NPAS2: variants seen among roughly 807,000 people sequenced by gnomAD.
NPAS2 encodes the protein neuronal PAS domain-containing protein 2.
Under a neutral mutation model 107.5 loss-of-function variants are expected in NPAS2, and 23 were observed. The observed-to-expected ratio is 0.21, with a 90% CI of 0.15 to 0.30. The LOEUF is 0.30. Ranked by LOEUF, NPAS2 falls within the 10% of genes least tolerant of loss-of-function variation. The pLI is 1.00. For synonymous variants in NPAS2, 403 were observed against 417.5 expected (o/e 0.97, Z 0.42); for missense variants, 756 against 1,043.3 (o/e 0.72, Z 3.79).
Position 100,922,613 on chromosome 2 carries a change from G to T in NPAS2, c.33-2533G>T, listed in dbSNP as rs570692006. Among the ~76,000 whole-genome samples the T allele has an allele frequency of 2.2e-4, 33 of 152,208 alleles. No individual in the cohort carries two copies. In the East Asian group the frequency reaches 4.6e-3, roughly 21 times the overall value. ...ACAAAAACCCAAAGCCTGGTTGTTG[G>T]GGTTGTTGGAGTGTCTTTCAAAACC... On this transcript the variant is annotated intron_variant, in intron 2 of 20. Transcript: ENST00000335681.
intron 1 of NPAS2, among the ~76,000 whole-genome samples, chr2:100,891,963 T>A (rs1261094297): frequency 6.6e-6 from 1 of 152,176 alleles, no homozygotes; most frequent in South Asian, 2.1e-4. Context: ...CAACAAAGGC[T>A]TTCACTGACT....
intron 2 of NPAS2, among the ~76,000 whole-genome samples, chr2:100,905,590 C>T (rs544127845): frequency 6.6e-6 from 1 of 152,202 alleles, no homozygotes; most frequent in Admixed American, 6.5e-5. Flanking sequence ...GGTGGAGGCC[C>T]AGCCACGAGC....
At chr2:100,824,178 A>G (rs1228772220) in intron 1 of NPAS2, among the ~76,000 whole-genome samples, 1 of 152,164 alleles carries the variant, frequency 6.6e-6, no homozygotes, top group African/African-American at 2.4e-5. Flanking sequence ...CATGTAGTTC[A>G]CCAATTAGAG....
intron 5 of NPAS2, among the ~76,000 whole-genome samples, chr2:100,947,317 G>A (rs1160265875): frequency 1.3e-5 from 2 of 152,114 alleles, no homozygotes; most frequent in African/African-American, 2.4e-5. Context: ...TTGGGAGGCC[G>A]GGGTGGGCGG....
In NPAS2 at chr2:100,927,309, G is replaced by A. The variant is rs779186668; in HGVS notation, c.181+2015G>A. On this transcript the variant is annotated intron_variant, in intron 3 of 20. Transcript: ENST00000335681. ...TTTTGTGTTCGTTTTTGTAGATGTC[G>A]TAAGGTGGGCTATGAAAATTCATCC... Among the ~76,000 whole-genome samples the A allele has an allele frequency of 3.3e-5, 5 of 152,138 alleles. No homozygotes were observed. In the East Asian group the frequency reaches 5.8e-4, roughly 18 times the overall value.
At chr2:100,845,044 G>A (rs893945641) in intron 1 of NPAS2, among the ~76,000 whole-genome samples, 1 of 152,208 alleles carries the variant, frequency 6.6e-6, no homozygotes. Flanking sequence ...ACAGTGGAAA[G>A]AAGGGAAGGC....
At chr2:100,925,112 A>C (rs767725415) in intron 2 of NPAS2, 34 bp from the exon 3 acceptor site, 2 of 1,582,838 alleles carry the variant, frequency 1.3e-6, no homozygotes, top group Non-Finnish European at 1.7e-6. Flanking sequence ...GTGACGTGGA[A>C]TGTTCCAGTA....
At chr2:100,954,869 T>G (rs865948940) in intron 7 of NPAS2, among the ~76,000 whole-genome samples, 7 of 127,992 alleles carry the variant, frequency 5.5e-5, no homozygotes, top group Admixed American at 3.2e-4. Context: ...GTTTTTTTTG[T>G]TTTTTTTGTT....
chr2:100,889,925 G>A (rs71413893), intron 1 of NPAS2, among the ~76,000 whole-genome samples: 1 of 147,168 alleles, frequency 6.8e-6, no homozygotes. Flanking sequence ...CCTTGGAGAC[G>A]TCCCCTGAGA....
chr2:100,929,542 AG>A (rs894426990), intron 3 of NPAS2, among the ~76,000 whole-genome samples: 1 of 152,214 alleles, frequency 6.6e-6, no homozygotes, highest in Non-Finnish European at 1.5e-5. Flanking sequence ...CATGATCTCT[AG>A]GGGTGGGACC....
At chr2:100,974,105 G>C (rs1195494417) in intron 12 of NPAS2, among the ~76,000 whole-genome samples, 1 of 152,166 alleles carries the variant, frequency 6.6e-6, no homozygotes, top group Non-Finnish European at 1.5e-5. Flanking sequence ...GCCTCCCAAA[G>C]AGCTGGGATT....
At chr2:100,904,170 G>A (rs1354754308) in intron 1 of NPAS2, among the ~76,000 whole-genome samples, 2 of 152,064 alleles carry the variant, frequency 1.3e-5, no homozygotes, top group Non-Finnish European at 2.9e-5. Context: ...TCTCCTTTAG[G>A]ATGTCATAGG....
chr2:100,990,816 C>G lies in NPAS2; in HGVS notation c.2055C>G (p.Pro685=), dbSNP rs139928940. The part of the protein sequence containing the change: ...LLSQPIQPMM[P]GSCDARQPSE... ...GCCAGCCCATCCAGCCCATGATGCC[C>G]GGGTCCTGTGACGCAAGGCAGCCCT... is the stretch of plus-strand genomic sequence containing the variant. The change falls in exon 19 of 21, where the codon CCC becomes CCG. Residue 685 remains proline, a synonymous_variant. Coordinates refer to ENST00000335681, the MANE Select transcript of NPAS2 (RefSeq NM_002518.4). 4 of 1,614,082 alleles carry G rather than the reference C, an allele frequency of 2.5e-6. No individual in the cohort carries two copies.
Position 100,835,366 on chromosome 2 carries a change from G to A in NPAS2, c.-23+14952G>A, listed in dbSNP as rs1013411209. Among the ~76,000 whole-genome samples the A allele has an allele frequency of 1.3e-4, 20 of 152,242 alleles. 1 individual carries two copies. In the East Asian group the frequency reaches 1.7e-3, roughly 13 times the overall value. On this transcript the variant is annotated intron_variant, in intron 1 of 20. Coordinates refer to ENST00000335681, the MANE Select transcript of NPAS2 (RefSeq NM_002518.4). ...TAAATCAAATCCAGCATCTGAACCT[G>A]CCTTCTTTAGCTTCAGCAGGTTTTT...
chr2:100,938,311 G>C (rs1047454703), intron 5 of NPAS2, among the ~76,000 whole-genome samples: 2 of 151,932 alleles, frequency 1.3e-5, no homozygotes, highest in Non-Finnish European at 2.9e-5. Flanking sequence ...TGGTGGTAAG[G>C]GTTTGGCAGC....
intron 1 of NPAS2, among the ~76,000 whole-genome samples, chr2:100,885,276 G>A (rs1680627139): frequency 2.6e-5 from 4 of 152,050 alleles, no homozygotes; most frequent in African/African-American, 9.7e-5. Context: ...AATGAAAGAG[G>A]GAATGAATTG....
At chr2:100,863,571 C>A (rs1558818980) in intron 1 of NPAS2, among the ~76,000 whole-genome samples, 1 of 152,160 alleles carries the variant, frequency 6.6e-6, no homozygotes, top group Non-Finnish European at 1.5e-5. Context: ...GGAATTATAT[C>A]TAATGGGTCA....
At position 100,975,461 on chromosome 2, in the gene NPAS2, C is replaced by T. The variant is rs754332141; in HGVS notation, c.1286C>T (p.Thr429Ile). ...SHTAMSEPTS[T>I]PTKLMAEAST... ...GTCATTCGTTGCTTTCTTACAGCCA[C>T]TCCCACCAAGCTGATGGCAGAGGCC... The change falls in exon 14 of 21, where the codon ACT becomes ATT. Residue 429 changes from threonine (T) to isoleucine (I), a missense_variant. By Grantham distance (89) the Thr-to-Ile change is moderately conservative. Coordinates refer to ENST00000335681, the MANE Select transcript of NPAS2 (RefSeq NM_002518.4). 5.0e-6 allele frequency: 8 copies of T among 1,611,806 alleles called. No individual in the cohort carries two copies. Among genetic ancestry groups the T allele is most frequent in the Non-Finnish European group, 6.8e-6 (8 of 1,178,922 alleles).
Position 100,904,752 on chromosome 2 carries a change from C to G in NPAS2, c.-3C>G. 6.4e-7 allele frequency: 1 copy of G among 1,573,772 alleles called. No homozygotes were observed. The highest frequency in any genetic ancestry group is 8.7e-7 in the Non-Finnish European group (1 of 1,152,330). On this transcript the variant is annotated 5_prime_UTR_variant, in exon 2 of 21. It adds an upstream start codon to the 5' untranslated region. Transcript: ENST00000335681. ...TTGCAGGAAAAACTGCATAGAAAAT[C>G]TAATGGATGAAGATGAGAAAGACAG...
Sources: allele counts gnomAD v4.1 joint callset (sites outside exome capture counted in the v4.1 genomes callset), GRCh38; gene constraint gnomAD v4.1.1; transcripts MANE v1.5; gene names NCBI Gene and HGNC (gene_info 2026-07-23, HGNC 2026-07-21).